PPM1L: variants seen among roughly 807,000 people sequenced by gnomAD.
PPM1L encodes the protein protein phosphatase, Mg2+/Mn2+ dependent 1L, also known as protein phosphatase 1L.
PPM1L carries 13 observed loss-of-function variants against 31.4 expected under a neutral mutation model. The observed-to-expected ratio is 0.41, with a 90% CI of 0.27 to 0.66. The LOEUF (loss-of-function observed/expected upper bound fraction) is 0.66, where lower values mean the gene tolerates loss of function less well. PPM1L is among the 30% of genes least tolerant of loss of function. The pLI is 0.29. For synonymous variants in PPM1L, 184 were observed against 175.4 expected (o/e 1.05, Z -0.39); for missense variants, 326 against 453.7 (o/e 0.72, Z 2.56).
chr3:160,904,949 C>T (rs1713691924), intron 1 of PPM1L, among the ~76,000 whole-genome samples: 2 of 152,050 alleles, frequency 1.3e-5, no homozygotes, highest in South Asian at 4.1e-4. Context: ...AGCCTCTTGC[C>T]ATGCTGGGTG....
chr3:160,906,536 C>T (rs1030417304), intron 1 of PPM1L, among the ~76,000 whole-genome samples: 9 of 151,954 alleles, frequency 5.9e-5, no homozygotes, highest in African/African-American at 1.5e-4. Flanking sequence ...TGGGAGGCGG[C>T]GGTTGCAGTG....
rs1719967921 is a variant in PPM1L, at chr3:161,072,698, G to A, written c.*3541G>A. ...ACATTGCAAGGAACTTGTGTATCAA[G>A]GTGTATCTTGATTATCCTGATTTTT... On this transcript the variant is annotated 3_prime_UTR_variant, in exon 4 of 4. Coordinates refer to ENST00000498165, the MANE Select transcript of PPM1L (RefSeq NM_139245.4). 6.6e-6 allele frequency: 1 copy of A among 151,938 alleles called. No homozygotes were observed. Among genetic ancestry groups the A allele is most frequent in the Admixed American group, 6.6e-5 (1 of 15,246 alleles). The allele number at this position is 151,938 out of a possible 1,614,324, so 9.4% of individuals were successfully genotyped here.
At chr3:160,995,103 C>T (rs186159197) in intron 2 of PPM1L, among the ~76,000 whole-genome samples, 4 of 152,142 alleles carry the variant, frequency 2.6e-5, no homozygotes, top group African/African-American at 4.8e-5. Context: ...AATTGGATTT[C>T]GTGAGATGGA....
intron 2 of PPM1L, among the ~76,000 whole-genome samples, chr3:160,996,533 C>T (rs1160408947): frequency 6.6e-6 from 1 of 152,128 alleles, no homozygotes; most frequent in African/African-American, 2.4e-5. Flanking sequence ...TGAAGTAACT[C>T]AGAAATGGAA....
chr3:160,910,684 T>A (rs1410201496), intron 1 of PPM1L, among the ~76,000 whole-genome samples: 1 of 152,214 alleles, frequency 6.6e-6, no homozygotes, highest in Non-Finnish European at 1.5e-5. Context: ...ACCCAGTTAT[T>A]TCCTGAATCT....
chr3:160,926,040 TGA>T (rs1714575201), intron 1 of PPM1L, among the ~76,000 whole-genome samples: 1 of 152,146 alleles, frequency 6.6e-6, no homozygotes, highest in Non-Finnish European at 1.5e-5. Context: ...GGTAGCTGAA[TGA>T]GAGAGACGGG....
intron 1 of PPM1L, among the ~76,000 whole-genome samples, chr3:160,830,915 C>T (rs1213804775): frequency 6.6e-6 from 1 of 152,186 alleles, no homozygotes; most frequent in African/African-American, 2.4e-5. Flanking sequence ...CACTTTAGCA[C>T]AGATTGTAAA....
At chr3:160,861,245 A>G (rs906285598) in intron 1 of PPM1L, among the ~76,000 whole-genome samples, 2 of 152,156 alleles carry the variant, frequency 1.3e-5, no homozygotes, top group Non-Finnish European at 2.9e-5. Context: ...TAGAGTAAGG[A>G]TTATAATGAG....
At chr3:160,850,389 T>C (rs577909968) in intron 1 of PPM1L, among the ~76,000 whole-genome samples, 1 of 152,290 alleles carries the variant, frequency 6.6e-6, no homozygotes, top group South Asian at 2.1e-4. Context: ...AGCACCTCCA[T>C]GTGTTAGGGA....
intron 1 of PPM1L, among the ~76,000 whole-genome samples, chr3:160,947,820 C>A (rs115547826): frequency 0.06 from 9,172 of 152,238 alleles, 324 homozygotes; most frequent in African/African-American, 0.078. Flanking sequence ...GTAAATTTAA[C>A]TGTTAGTCTA....
chr3:160,900,948 T>C (rs1713518340), intron 1 of PPM1L, among the ~76,000 whole-genome samples: 1 of 152,188 alleles, frequency 6.6e-6, no homozygotes, highest in South Asian at 2.1e-4. Flanking sequence ...AAATGATTAC[T>C]TTCTTGTCTT....
chr3:160,966,299 CAG>C (rs1716140833), intron 2 of PPM1L, among the ~76,000 whole-genome samples: 1 of 152,000 alleles, frequency 6.6e-6, no homozygotes, highest in African/African-American at 2.4e-5. Context: ...CAGAAATGAA[CAG>C]AAATATGTAG....
chr3:161,065,486 A>G lies in PPM1L; in HGVS notation c.658A>G (p.Lys220Glu). ...VGDSRGVLCDKDGNAIPLSHD... is the reference protein window; with the variant it reads ...VGDSRGVLCDEDGNAIPLSHD... ...TGACTCGCGCGGGGTCCTGTGTGAC[A>G]AAGATGGGAACGCTATTCCTTTGTC... The change falls in exon 3 of 4, where the codon AAA (lysine) becomes GAA (glutamate). Residue 220 changes from lysine (K) to glutamate (E), a missense_variant. This residue lies in a region of PPM1L where 201 missense variants were observed against 298.2 expected (regional missense o/e 0.67). Transcript: ENST00000498165. The G allele has an allele frequency of 6.2e-7, 1 of 1,614,078 alleles. No individual in the cohort carries two copies. Among genetic ancestry groups the G allele is most frequent in the Non-Finnish European group, 8.5e-7 (1 of 1,179,970 alleles).
intron 1 of PPM1L, among the ~76,000 whole-genome samples, chr3:160,768,445 A>T (rs1715166607): frequency 6.6e-6 from 1 of 152,172 alleles, no homozygotes; most frequent in Admixed American, 6.5e-5. Context: ...TACCATTTTA[A>T]AACTGGTAAA....
At chr3:160,991,041 C>T (rs114418864) in intron 2 of PPM1L, among the ~76,000 whole-genome samples, 2,783 of 143,236 alleles carry the variant, frequency 0.019, 74 homozygotes, top group African/African-American at 0.067. Flanking sequence ...TCTTGGGCCA[C>T]ATATAAAATA....
intron 1 of PPM1L, among the ~76,000 whole-genome samples, chr3:160,841,468 AT>A (rs1713877426): frequency 6.6e-6 from 1 of 152,116 alleles, no homozygotes; most frequent in Non-Finnish European, 1.5e-5. Context: ...TGAAATGGTG[AT>A]TGCCAGTACA....
At chr3:160,994,370 A>G (rs2108046386) in intron 2 of PPM1L, among the ~76,000 whole-genome samples, 1 of 152,294 alleles carries the variant, frequency 6.6e-6, no homozygotes, top group East Asian at 1.9e-4. Flanking sequence ...AGCTGCTTGC[A>G]AAAGGCATGC....
intron 2 of PPM1L, among the ~76,000 whole-genome samples, chr3:161,027,623 T>G (rs1718442637): frequency 6.6e-6 from 1 of 151,950 alleles, no homozygotes; most frequent in Non-Finnish European, 1.5e-5. Flanking sequence ...TCCAATTACC[T>G]CCCAAAGGGT....
intron 1 of PPM1L, among the ~76,000 whole-genome samples, chr3:160,820,414 G>A (rs941214098): frequency 1.3e-5 from 2 of 151,984 alleles, no homozygotes; most frequent in Non-Finnish European, 2.9e-5. Flanking sequence ...AAAATTTAAT[G>A]TGCTAGAACC....
Sources: gnomAD v4.1 joint callset for allele counts (sites outside exome capture counted in the v4.1 genomes callset) on GRCh38, gnomAD v4.1.1 for gene constraint, gnomAD v4.1.1 regional missense constraint, MANE v1.5 for transcripts, NCBI Gene and HGNC (gene_info 2026-07-23, HGNC 2026-07-21) for gene names.